SATB1: variants seen among roughly 807,000 people sequenced by gnomAD.
SATB1 encodes SATB homeobox 1.
In SATB1, 11 loss-of-function variants were observed where a neutral mutation model predicts 86.9. The observed-to-expected ratio is 0.13, with a 90% confidence interval of 0.08 to 0.21. SATB1 has a LOEUF of 0.21. SATB1 is among the 10% of genes least tolerant of loss of function. The pLI is 1.00. For synonymous variants in SATB1, 357 were observed against 357.2 expected, an observed-to-expected ratio of 1.00 and a Z score of 0.01; for missense variants, 551 against 937.6, an observed-to-expected ratio of 0.59 and a Z score of 5.39.
intron 9 of SATB1, among the ~76,000 whole-genome samples, chr3:18,358,490 C>G (rs1163651715): frequency 6.6e-6 from 1 of 151,954 alleles, no homozygotes; most frequent in Non-Finnish European, 1.5e-5. Context: ...AAAAGAACCT[C>G]AGCTGGCACT....
chr3:18,371,141 A>G (rs1695462155), intron 9 of SATB1, among the ~76,000 whole-genome samples: 1 of 152,186 alleles, frequency 6.6e-6, no homozygotes, highest in South Asian at 2.1e-4. Flanking sequence ...CAATTCCTGA[A>G]GCATCTTGGT....
At chr3:18,417,479 A>T in intron 2 of SATB1, 2 of 590,972 alleles carry the variant, frequency 3.4e-6, no homozygotes, top group South Asian at 4.2e-5. Context: ...AGAAGAACCC[A>T]CCTTTCTACT....
In SATB1 at chr3:18,420,983, A is replaced by G; in HGVS notation, c.-16T>C. 1 of 1,611,762 alleles carries G rather than the reference A, an allele frequency of 6.2e-7. No homozygotes were observed. The highest frequency in any genetic ancestry group is 8.5e-7 in the Non-Finnish European group (1 of 1,177,904). On this transcript the variant is annotated 5_prime_UTR_variant, in exon 2 of 11. Coordinates refer to ENST00000338745, the MANE Select transcript of SATB1 (RefSeq NM_002971.6). Reference sequence around the variant, plus strand: ...AATGATCCATACTCAGTCACTGTCTAAAGATCACCTGCCAGAATTTAAAAA... The same window carrying G: ...AATGATCCATACTCAGTCACTGTCTGAAGATCACCTGCCAGAATTTAAAAA...
At chr3:18,388,969 A>G (rs1017204635) in intron 7 of SATB1, among the ~76,000 whole-genome samples, 8 of 152,154 alleles carry the variant, frequency 5.3e-5, no homozygotes, top group Admixed American at 4.6e-4. Context: ...TTGCTAACAT[A>G]TAAGACTAAG....
chr3:18,397,051 C>G (rs1696996363), intron 6 of SATB1, 128 bp downstream of exon 6: 2 of 635,714 alleles, frequency 3.1e-6, no homozygotes, highest in African/African-American at 3.6e-5. Context: ...CTTCCCACCC[C>G]CAAAGAAACA....
intron 7 of SATB1, among the ~76,000 whole-genome samples, chr3:18,387,133 A>G (rs1696384729): frequency 6.6e-6 from 1 of 152,248 alleles, no homozygotes; most frequent in Non-Finnish European, 1.5e-5. Flanking sequence ...TTCACAGGCA[A>G]TGTTTAAAAT....
Position 18,374,835 on chromosome 3 carries a change from C to T in SATB1, c.1575+3335G>A, listed in dbSNP as rs957276085. Among the ~76,000 whole-genome samples, 34 of 152,180 alleles carry T rather than the reference C, an allele frequency of 2.2e-4. 1 individual carries two copies. Among genetic ancestry groups the T allele is most frequent in the Admixed American group, 2.0e-3 (31 of 15,260 alleles). The stretch of plus-strand genomic sequence containing the variant: ...TCCATGTGGAGGACTGAACCTCTTG[C>T]TTAGCACATTATGAAACGTTACCAT... On this transcript the variant is annotated intron_variant, in intron 9 of 10. Transcript: ENST00000338745.
chr3:18,356,397 T>A, intron 9 of SATB1, among the ~76,000 whole-genome samples: 1 of 140,474 alleles, frequency 7.1e-6, no homozygotes. Flanking sequence ...TGGTTAGGGA[T>A]CTATTAAAGA....
Position 18,420,790 on chromosome 3 carries a change from A to T in SATB1, c.178T>A (p.Ser60Thr). 3 of 1,614,030 alleles carry T rather than the reference A, an allele frequency of 1.9e-6. No homozygotes were observed. The highest frequency in any genetic ancestry group is 2.5e-6 in the Non-Finnish European group (3 of 1,180,012). ...AKMQGVPLKH[S>T]GHLMKTNLRK... ...AGGTTGGTTTTCATCAGATGGCCCG[A>T]GTGTTTTAAAGGCACTCCCTGCATT... is the stretch of plus-strand genomic sequence containing the variant. The change falls in exon 2 of 11, where the codon TCG becomes ACG. Residue 60 changes from serine (S) to threonine (T), a missense_variant. Ser to Thr is a moderately conservative substitution (Grantham distance 58). Coordinates refer to ENST00000338745, the MANE Select transcript of SATB1 (RefSeq NM_002971.6).
At chr3:18,437,666 C>A (rs897159517) in intron 1 of SATB1, among the ~76,000 whole-genome samples, 1 of 151,942 alleles carries the variant, frequency 6.6e-6, no homozygotes, top group African/African-American at 2.4e-5. Flanking sequence ...CTTGAACCAC[C>A]CAAAGGGAAA....
At chr3:18,357,647 T>C (rs538505999) in intron 9 of SATB1, among the ~76,000 whole-genome samples, 4 of 151,252 alleles carry the variant, frequency 2.6e-5, no homozygotes, top group East Asian at 1.9e-4. Context: ...TTGTCAGAGC[T>C]ACCAAATCCT....
At chr3:18,420,661 T>C (rs551791269) in intron 2 of SATB1, 96 bp downstream of exon 2, 7 of 943,714 alleles carry the variant, frequency 7.4e-6, no homozygotes, top group South Asian at 2.8e-5. Context: ...AGGCAGAGTA[T>C]ACAAAACATG....
rs546356178 is a variant in SATB1 at position 18,402,031 on chromosome 3, G to A, written c.640-4741C>T. 9.9e-5 allele frequency among the ~76,000 whole-genome samples: 15 copies of A among 152,144 alleles called. No individual in the cohort carries two copies. In the East Asian group the frequency reaches 2.9e-3, roughly 29 times the overall value. ...GATAGATAGAACATTCTGAACCTTT[G>A]CTCTAAAATACTCTAGCTCTTTTAA... is the stretch of plus-strand genomic sequence containing the variant. On this transcript the variant is annotated intron_variant, in intron 5 of 10. Transcript: ENST00000338745.
At position 18,415,240 on chromosome 3, in the gene SATB1, T is replaced by G; in HGVS notation, c.516-6A>C. ...AGTCTTCTAGTTTGGGGCAACTATT[T>G]GAGACATAGATTAGAAAGGGGATTA... is the stretch of plus-strand genomic sequence containing the variant. On this transcript the variant is annotated splice_polypyrimidine_tract_variant and splice_region_variant and intron_variant, in intron 4 of 10. Transcript: ENST00000338745. 6.2e-7 allele frequency: 1 copy of G among 1,612,576 alleles called. No individual in the cohort carries two copies. Among genetic ancestry groups the G allele is most frequent in the South Asian group, 1.1e-5 (1 of 91,014 alleles).
intron 7 of SATB1, among the ~76,000 whole-genome samples, chr3:18,388,985 T>C (rs897373024): frequency 6.6e-6 from 1 of 152,126 alleles, no homozygotes; most frequent in African/African-American, 2.4e-5. Context: ...CTAAGTCATT[T>C]CCATATGGTT....
At chr3:18,370,285 A>G (rs187870498) in intron 9 of SATB1, among the ~76,000 whole-genome samples, 44 of 152,164 alleles carry the variant, frequency 2.9e-4, no homozygotes, top group Admixed American at 1.0e-3. Flanking sequence ...GACAGATCTA[A>G]CTGTCTTGTC....
intron 7 of SATB1, among the ~76,000 whole-genome samples, chr3:18,393,596 T>G (rs1372166476): frequency 3.3e-5 from 5 of 152,176 alleles, no homozygotes; most frequent in Non-Finnish European, 7.3e-5. Context: ...AAGACAAAGG[T>G]GTGCACATTA....
chr3:18,410,975 G>A (rs978783938), intron 5 of SATB1: 3 of 395,090 alleles, frequency 7.6e-6, no homozygotes, highest in African/African-American at 6.2e-5. Context: ...CTAAGCTTCA[G>A]GAGCACGAGG....
intron 9 of SATB1, among the ~76,000 whole-genome samples, chr3:18,377,254 C>T (rs149076656): frequency 6.6e-6 from 1 of 152,228 alleles, no homozygotes; most frequent in East Asian, 1.9e-4. Context: ...TAAAAATATA[C>T]TTGTGTAAAA....
Sources: allele counts gnomAD v4.1 joint callset (sites outside exome capture counted in the v4.1 genomes callset), GRCh38; gene constraint gnomAD v4.1.1; transcripts MANE v1.5; gene names NCBI Gene and HGNC (gene_info 2026-07-23, HGNC 2026-07-21).